Variants in LEPR observed in about 807,000 individuals in gnomAD.
The protein encoded by LEPR is leptin receptor, also known as OB receptor.
In LEPR, 56 loss-of-function variants were observed where a neutral mutation model predicts 114.7. That is an observed-to-expected ratio of 0.49 (90% confidence interval 0.39 to 0.61). LEPR has a LOEUF of 0.61. Among genes scored for constraint, LEPR ranks in the 20% least tolerant of loss-of-function variants. The pLI is 0.00. For synonymous variants in LEPR, 443 were observed against 461.4 expected (o/e 0.96, Z 0.51); for missense variants, 1,202 against 1,352.9 (o/e 0.89, Z 1.75).
At chr1:65,632,417 A>G (rs1365292799) in intron 19 of LEPR, among the ~76,000 whole-genome samples, 1 of 152,206 alleles carries the variant, frequency 6.6e-6, no homozygotes, top group African/African-American at 2.4e-5. Context: ...AGGAGAGAGT[A>G]TAAATTAATC....
chr1:65,596,679 T>C, intron 7 of LEPR, 86 bp downstream of exon 7: 1 of 1,166,386 alleles, frequency 8.6e-7, no homozygotes, highest in Non-Finnish European at 1.2e-6. Context: ...CTCTGCATAC[T>C]AAATATATAC....
intron 2 of LEPR, among the ~76,000 whole-genome samples, chr1:65,477,888 A>T (rs1647176574): frequency 1.3e-5 from 2 of 152,204 alleles, no homozygotes; most frequent in African/African-American, 2.4e-5. Flanking sequence ...GTCATTTCCC[A>T]CAGCTCTTCA....
intron 2 of LEPR, among the ~76,000 whole-genome samples, chr1:65,528,963 C>A (rs912201067): frequency 4.3e-5 from 5 of 115,348 alleles, no homozygotes; most frequent in African/African-American, 1.7e-4. Context: ...TGCCTCCACA[C>A]CTGGCTATTT....
At chr1:65,588,622 G>A (rs1372356513) in intron 5 of LEPR, among the ~76,000 whole-genome samples, 4 of 151,948 alleles carry the variant, frequency 2.6e-5, no homozygotes, top group African/African-American at 9.7e-5. Context: ...CCAGGGAATG[G>A]CTGATCTGAT....
chr1:65,518,881 C>CTTTCTTTCTTTCTTTCTT, intron 2 of LEPR, among the ~76,000 whole-genome samples: 1 of 78,408 alleles, frequency 1.3e-5, no homozygotes, highest in Non-Finnish European at 2.9e-5. Flanking sequence ...CTTTTTCTTT[C>CTTTCTTTCTTTCTTTCTT]TTTCTTTCTT....
At chr1:65,586,181 C>T (rs1056144964) in intron 5 of LEPR, among the ~76,000 whole-genome samples, 3 of 151,952 alleles carry the variant, frequency 2.0e-5, no homozygotes, top group African/African-American at 7.2e-5. Context: ...ATGCACAAGA[C>T]TTCAGTTGAG....
chr1:65,552,728 A>G (rs897480924), intron 2 of LEPR, among the ~76,000 whole-genome samples: 2 of 152,060 alleles, frequency 1.3e-5, no homozygotes, highest in African/African-American at 4.8e-5. Context: ...TAAAGTTAAT[A>G]TTGTTATGTG....
chr1:65,459,205 G>A (rs560147783), intron 2 of LEPR, among the ~76,000 whole-genome samples: 7 of 152,278 alleles, frequency 4.6e-5, no homozygotes, highest in African/African-American at 1.4e-4. Context: ...TGATGAAGTT[G>A]GCTAAGATGT....
intron 2 of LEPR, among the ~76,000 whole-genome samples, chr1:65,477,075 A>G (rs1038752418): frequency 6.6e-6 from 1 of 152,032 alleles, no homozygotes; most frequent in Non-Finnish European, 1.5e-5. Context: ...GTTTCCATTC[A>G]GTTTTTCTTC....
chr1:65,578,391 G>A (rs1654747773), intron 5 of LEPR: 1 of 217,938 alleles, frequency 4.6e-6, no homozygotes, highest in Admixed American at 4.1e-5. Flanking sequence ...AATAGACTTA[G>A]CATAACTAAT....
chr1:65,491,127 G>C (rs571693209), intron 2 of LEPR, among the ~76,000 whole-genome samples: 2 of 152,218 alleles, frequency 1.3e-5, no homozygotes, highest in South Asian at 4.1e-4. Context: ...TATATATGTG[G>C]TTGTATAATG....
chr1:65,516,654 A>G (rs760151144), intron 2 of LEPR, among the ~76,000 whole-genome samples: 1 of 152,238 alleles, frequency 6.6e-6, no homozygotes, highest in Non-Finnish European at 1.5e-5. Context: ...CTCAGAATCC[A>G]TTATTTAATT....
intron 2 of LEPR, among the ~76,000 whole-genome samples, chr1:65,454,219 G>T (rs569165701): frequency 1.3e-5 from 2 of 152,056 alleles, no homozygotes; most frequent in Non-Finnish European, 2.9e-5. Context: ...ACACTGATGG[G>T]TCTTGACTCC....
chr1:65,560,052 A>G (rs1214846955), intron 2 of LEPR, among the ~76,000 whole-genome samples: 2 of 143,784 alleles, frequency 1.4e-5, no homozygotes, highest in Admixed American at 6.8e-5. Context: ...TTGGTTCCAT[A>G]TGAACTTGAA....
Position 65,636,694 on chromosome 1 carries a change from A to C in LEPR, c.3177A>C (p.Glu1059Asp). ...PHLTFSEGLD[E>D]LLKLEGNFPE... ...TCACATTCTCAGAAGGATTGGATGA[A>C]CTTTTGAAATTGGAGGGAAATTTCC... Residue 1059 changes from glutamate to aspartate, a missense_variant, in exon 20 of 20, where the codon GAA becomes GAC. Physicochemically the swap from Glu to Asp is conservative, Grantham distance 45. Transcript: ENST00000349533. 1.2e-6 allele frequency: 2 copies of C among 1,609,096 alleles called. No individual in the cohort carries two copies. Among genetic ancestry groups the C allele is most frequent in the Non-Finnish European group, 1.7e-6 (2 of 1,176,952 alleles).
At chr1:65,481,465 A>C (rs185960882) in intron 2 of LEPR, among the ~76,000 whole-genome samples, 17 of 152,282 alleles carry the variant, frequency 1.1e-4, no homozygotes, top group African/African-American at 3.6e-4. Context: ...TAGTAGATAG[A>C]GACTGTGGTT....
chr1:65,626,337 T>C, intron 19 of LEPR: 1 of 1,319,966 alleles, frequency 7.6e-7, no homozygotes, highest in Non-Finnish European at 9.7e-7. Context: ...ATTTTTATAA[T>C]ACAGTGGGTG....
At chr1:65,489,974 A>G (rs1353027400) in intron 2 of LEPR, among the ~76,000 whole-genome samples, 1 of 152,112 alleles carries the variant, frequency 6.6e-6, no homozygotes, top group Non-Finnish European at 1.5e-5. Flanking sequence ...TTCATTAGCA[A>G]TAGAAACAGT....
intron 2 of LEPR, among the ~76,000 whole-genome samples, chr1:65,512,695 C>T (rs1426405575): frequency 4.6e-5 from 7 of 152,084 alleles, no homozygotes; most frequent in African/African-American, 1.4e-4. Context: ...AATATCAGAA[C>T]GTTTGCTTAT....
Sources: allele counts gnomAD v4.1 joint callset (sites outside exome capture counted in the v4.1 genomes callset), GRCh38; gene constraint gnomAD v4.1.1; transcripts MANE v1.5; gene names NCBI Gene and HGNC (gene_info 2026-07-23, HGNC 2026-07-21).